PCDHGA11: variants seen among roughly 807,000 people sequenced by gnomAD.
The protein encoded by PCDHGA11 is protocadherin gamma-A11.
Under a neutral mutation model 60.4 loss-of-function variants are expected in PCDHGA11, and 39 were observed. The observed-to-expected ratio is 0.65, with a 90% confidence interval of 0.50 to 0.84. The LOEUF is 0.84. PCDHGA11 is among the 40% of genes least tolerant of loss of function. The probability of loss-of-function intolerance (pLI) is 0.00; values close to 1 mark genes in which losing one functional copy is unlikely to be tolerated. For synonymous variants in PCDHGA11, 533 were observed against 510.3 expected, an observed-to-expected ratio of 1.04 and a Z score of -0.60; for missense variants, 1,165 against 1,197.7, an observed-to-expected ratio of 0.97 and a Z score of 0.40.
rs146919978 is a variant in PCDHGA11, at chr5:141,489,268, G to A, written c.2434-5539G>A. 1,443 of 1,553,166 alleles carry A rather than the reference G, an allele frequency of 9.3e-4. 2 individuals are homozygous for A. The highest frequency in any genetic ancestry group is 1.2e-3 in the Non-Finnish European group (1,381 of 1,149,786). On this transcript the variant is annotated intron_variant, in intron 1 of 3. Transcript: ENST00000398587. The surrounding 1 kb of genome is among the most constrained non-coding windows in gnomAD (Gnocchi z 4.5). ...GGGGCCCAAGACACTCCCACAGCTCGCTGGGAAATGGCAAGTGCTGTGCAT... is the reference window on the plus strand; with the variant it reads ...GGGGCCCAAGACACTCCCACAGCTCACTGGGAAATGGCAAGTGCTGTGCAT...
rs143168452 is a variant in PCDHGA11 at position 141,504,127 on chromosome 5, C to T, written c.2493-1266C>T. Among the ~76,000 whole-genome samples the T allele has an allele frequency of 1.3e-3, 195 of 152,220 alleles. 2 individuals carry two copies. The highest frequency in any genetic ancestry group is 4.4e-3 in the African/African-American group (181 of 41,520). On this transcript the variant is annotated intron_variant, in intron 2 of 3. Transcript: ENST00000398587. ...CTGTGTGTGTGCCAGGGCTGTTTCC[C>T]GCCAACACTCCCCTGCAAATTGAAA...
chr5:141,465,240 G>C (rs569146939), intron 1 of PCDHGA11, among the ~76,000 whole-genome samples: 22 of 152,168 alleles, frequency 1.4e-4, no homozygotes, highest in African/African-American at 5.3e-4. Flanking sequence ...TCAAGTTCAA[G>C]GCACTTTTGT....
chr5:141,509,303 G>A (rs911736752), intron 3 of PCDHGA11, among the ~76,000 whole-genome samples: 1 of 152,210 alleles, frequency 6.6e-6, no homozygotes, highest in Admixed American at 6.5e-5. Context: ...GGAGGCAGAG[G>A]GAGGCTGGGA....
chr5:141,431,624 G>C lies in PCDHGA11; in HGVS notation c.2433+7964G>C. The C allele has an allele frequency of 2.5e-6, 4 of 1,614,234 alleles. No individual in the cohort carries two copies. Among genetic ancestry groups the C allele is most frequent in the Non-Finnish European group, 3.4e-6 (4 of 1,180,038 alleles). On this transcript the variant is annotated intron_variant, in intron 1 of 3. Transcript: ENST00000398587. This position sits in a 1 kb window ranked among gnomAD's most constrained non-coding sequence, Gnocchi z 4.8. ...CTTCCGGTATGTGGACGACAAGGCG[G>C]CCCAAGTTTTCAAACTAGATTGTAA...
At chr5:141,508,739 C>A (rs1344024245) in intron 3 of PCDHGA11, among the ~76,000 whole-genome samples, 1 of 152,156 alleles carries the variant, frequency 6.6e-6, no homozygotes, top group African/African-American at 2.4e-5. Context: ...ACACCCCCCA[C>A]CCCGCTCTTT....
rs1243327893 is a variant in PCDHGA11, at chr5:141,491,671, C to G, written c.2434-3136C>G. 1 of 1,613,484 alleles carries G rather than the reference C, an allele frequency of 6.2e-7. No homozygotes were observed. Among genetic ancestry groups the G allele is most frequent in the Admixed American group, 1.7e-5 (1 of 60,034 alleles). On this transcript the variant is annotated intron_variant, in intron 1 of 3. Transcript: ENST00000398587. This position sits in a 1 kb window ranked among gnomAD's most constrained non-coding sequence, Gnocchi z 6.9. ...GCTGGAGCCTGACGCCATCCGGTCC[C>G]GCTCTAATACGCTGCGGGAGCGGAG...
At position 141,511,563 on chromosome 5, in the gene PCDHGA11, C is replaced by T. The variant is rs911782127; in HGVS notation, c.*390C>T. ...CCCCACTCCAACAGTTCCTCTTTCCCGAGTAAGGTGGTTGGGGTGTTGAAG... is the reference window on the plus strand; with the variant it reads ...CCCCACTCCAACAGTTCCTCTTTCCTGAGTAAGGTGGTTGGGGTGTTGAAG... On this transcript the variant is annotated 3_prime_UTR_variant, in exon 4 of 4. Coordinates refer to ENST00000398587, the MANE Select transcript of PCDHGA11 (RefSeq NM_018914.3). The T allele has an allele frequency of 7.8e-5, 23 of 295,048 alleles. No homozygotes were observed. The highest frequency in any genetic ancestry group is 3.4e-4 in the African/African-American group (16 of 46,532). The allele number at this position is 295,048 out of a possible 1,614,324, so 18.3% of individuals were successfully genotyped here. A position where few individuals can be genotyped will look rare whatever the true frequency, so the allele number is the denominator to read the frequency against.
chr5:141,451,112 G>A (rs776356458), intron 1 of PCDHGA11, among the ~76,000 whole-genome samples: 9 of 152,236 alleles, frequency 5.9e-5, no homozygotes, highest in Admixed American at 1.3e-4. Flanking sequence ...ACAGGCGTGA[G>A]CCACCACACC....
chr5:141,477,212 C>CCTCT lies in PCDHGA11; in HGVS notation c.2434-17594_2434-17591dup. 6.2e-7 allele frequency: 1 copy of CCTCT among 1,614,166 alleles called. No homozygotes were observed. The highest frequency in any genetic ancestry group is 8.5e-7 in the Non-Finnish European group (1 of 1,180,042). The stretch of plus-strand genomic sequence containing the variant: ...GTACAGCCCAGTACCCGAGGATGCC[C>CCTCT]CTCTGGGGACTGTCATCGCTTTGCT... On this transcript the variant is annotated intron_variant, in intron 1 of 3. Coordinates refer to ENST00000398587, the MANE Select transcript of PCDHGA11 (RefSeq NM_018914.3). This position sits in a 1 kb window ranked among gnomAD's most constrained non-coding sequence, Gnocchi z 4.9.
intron 1 of PCDHGA11, chr5:141,441,530 A>T (rs2154559371): frequency 5.8e-6 from 1 of 172,118 alleles, no homozygotes; most frequent in Non-Finnish European, 1.2e-5. Flanking sequence ...GCCAAGAACA[A>T]TCTTCCCAAA....
rs866710706 is a variant in PCDHGA11, at chr5:141,485,167, G to A, written c.2434-9640G>A. On this transcript the variant is annotated intron_variant, in intron 1 of 3. Transcript: ENST00000398587. The surrounding 1 kb of genome is among the most constrained non-coding windows in gnomAD (Gnocchi z 5.7). ...AGGAGCAAGTAGAGAATTAGCGGGC[G>A]GCAGCAATGCTCCGCAAGGTGAGAA... The A allele has an allele frequency of 6.2e-7, 1 of 1,608,386 alleles. No homozygotes were observed.
intron 2 of PCDHGA11, among the ~76,000 whole-genome samples, chr5:141,502,988 C>A (rs1285178746): frequency 6.7e-6 from 1 of 150,346 alleles, no homozygotes; most frequent in Non-Finnish European, 1.5e-5. Flanking sequence ...GGATTACAGG[C>A]GTGTGCCACC....
chr5:141,490,045 C>G lies in PCDHGA11; in HGVS notation c.2434-4762C>G, dbSNP rs530803072. 6 of 1,614,114 alleles carry G rather than the reference C, an allele frequency of 3.7e-6. No individual in the cohort carries two copies. The highest frequency in any genetic ancestry group is 5.1e-6 in the Non-Finnish European group (6 of 1,180,014). On this transcript the variant is annotated intron_variant, in intron 1 of 3. Coordinates refer to ENST00000398587, the MANE Select transcript of PCDHGA11 (RefSeq NM_018914.3). This position sits in a 1 kb window ranked among gnomAD's most constrained non-coding sequence, Gnocchi z 5.4. ...GCTGCTCCGCCTCAATGCCACTGAT[C>G]CAGACGAGGGCACCAACGGCCAACT...
At chr5:141,508,823 G>A (rs1445894402) in intron 3 of PCDHGA11, among the ~76,000 whole-genome samples, 1 of 151,966 alleles carries the variant, frequency 6.6e-6, no homozygotes, top group Admixed American at 6.6e-5. Flanking sequence ...GCCAGATCTG[G>A]GCCCCCCTCC....
intron 1 of PCDHGA11, chr5:141,427,703 C>T (rs529490424): frequency 1.0e-6 from 1 of 957,508 alleles, no homozygotes. Flanking sequence ...CACAAGTCAG[C>T]GCCTCTGACC....
In PCDHGA11 at chr5:141,485,842, T is replaced by C; in HGVS notation, c.2434-8965T>C. ...TCGATGGAGGGAACCCGCCGAGATC[T>C]GGCACCGCAGAGCTCCGGGTATCCG... On this transcript the variant is annotated intron_variant, in intron 1 of 3. Coordinates refer to ENST00000398587, the MANE Select transcript of PCDHGA11 (RefSeq NM_018914.3). This position sits in a 1 kb window ranked among gnomAD's most constrained non-coding sequence, Gnocchi z 5.7. 1 of 1,614,002 alleles carries C rather than the reference T, an allele frequency of 6.2e-7. No homozygotes were observed. Among genetic ancestry groups the C allele is most frequent in the Non-Finnish European group, 8.5e-7 (1 of 1,179,982 alleles).
At chr5:141,433,295 G>A (rs754784548) in intron 1 of PCDHGA11, 22 of 1,044,006 alleles carry the variant, frequency 2.1e-5, no homozygotes, top group Non-Finnish European at 2.9e-5. Flanking sequence ...CTAGGCTCAA[G>A]CAATTATCCC....
rs988237114 is a variant in PCDHGA11 at position 141,493,830 on chromosome 5, G to A, written c.2434-977G>A. On this transcript the variant is annotated intron_variant, in intron 1 of 3. Transcript: ENST00000398587. This position sits in a 1 kb window ranked among gnomAD's most constrained non-coding sequence, Gnocchi z 4.3. ...ATACTCACACTCTCTGCTTCTGGGA[G>A]CAAGTATGAGTATTAATTACCAGCC... 1.3e-5 allele frequency among the ~76,000 whole-genome samples: 2 copies of A among 152,218 alleles called. No individual in the cohort carries two copies. The highest frequency in any genetic ancestry group is 4.8e-5 in the African/African-American group (2 of 41,456).
chr5:141,488,672 G>A (rs1012955473), intron 1 of PCDHGA11, among the ~76,000 whole-genome samples: 20 of 152,208 alleles, frequency 1.3e-4, no homozygotes, highest in African/African-American at 4.8e-4. Context: ...GAATACATGG[G>A]CTTTGCCTCT....
Sources: allele counts gnomAD v4.1 joint callset (sites outside exome capture counted in the v4.1 genomes callset), GRCh38; gene constraint gnomAD v4.1.1; non-coding constraint Gnocchi (gnomAD v3.1); transcripts MANE v1.5; gene names NCBI Gene and HGNC (gene_info 2026-07-23, HGNC 2026-07-21).